Variants in ADAMTS3 observed in about 807,000 individuals in gnomAD.
The protein encoded by ADAMTS3 is ADAM metallopeptidase with thrombospondin type 1 motif 3, also known as A disintegrin and metalloproteinase with thrombospondin motifs 3.
In ADAMTS3, 73 loss-of-function variants were observed where a neutral mutation model predicts 129.0. That is an observed-to-expected ratio of 0.57 (90% CI 0.47 to 0.69). The LOEUF (loss-of-function observed/expected upper bound fraction) is 0.69. Ranked by LOEUF, ADAMTS3 falls within the 30% of genes least tolerant of loss-of-function variation. The probability of loss-of-function intolerance (pLI) is 0.00; values close to 1 mark genes in which losing one functional copy is unlikely to be tolerated. For synonymous variants in ADAMTS3, 477 were observed against 510.8 expected (o/e 0.93, Z 0.89); for missense variants, 1,457 against 1,514.5 (o/e 0.96, Z 0.63).
chr4:72,457,462 T>G (rs1718655442), intron 3 of ADAMTS3, among the ~76,000 whole-genome samples: 1 of 151,662 alleles, frequency 6.6e-6, no homozygotes, highest in Non-Finnish European at 1.5e-5. Context: ...CTAGTTACAT[T>G]TTTAGATGTT....
At chr4:72,339,450 T>A in intron 5 of ADAMTS3, 44 bp downstream of exon 5, 8 of 1,590,408 alleles carry the variant, frequency 5.0e-6, no homozygotes, top group Non-Finnish European at 6.9e-6. Flanking sequence ...ATAAGAGAAG[T>A]GAATTAAAAG....
intron 3 of ADAMTS3, among the ~76,000 whole-genome samples, chr4:72,505,103 G>A (rs1210199586): frequency 6.6e-6 from 1 of 152,160 alleles, no homozygotes; most frequent in African/African-American, 2.4e-5. Flanking sequence ...GAGAGTTAGT[G>A]AGACCCTTTG....
chr4:72,548,682 T>A lies in ADAMTS3; in HGVS notation c.300A>T (p.Gln100His). ...DFHLRLKPNT[Q>H]LVAPGAVVEW... is the part of the protein sequence containing the mutation. ...CCACAACAGCCCCAGGAGCTACTAG[T>A]TGAGTGTTGGGCTTTAGTCGCAGAT... Residue 100 changes from glutamine (Q) to histidine (H), a missense_variant, in exon 3 of 22, where the codon CAA becomes CAT. Gln to His is a conservative substitution (Grantham distance 24). Coordinates refer to ENST00000286657, the MANE Select transcript of ADAMTS3 (RefSeq NM_014243.3). The A allele has an allele frequency of 6.2e-7, 1 of 1,614,044 alleles. No homozygotes were observed. The highest frequency in any genetic ancestry group is 8.5e-7 in the Non-Finnish European group (1 of 1,179,934).
At chr4:72,439,030 C>T (rs753092705) in intron 3 of ADAMTS3, among the ~76,000 whole-genome samples, 11 of 151,576 alleles carry the variant, frequency 7.3e-5, no homozygotes, top group Admixed American at 2.6e-4. Flanking sequence ...TTGAAATCAA[C>T]GAAATCTTCT....
chr4:72,517,321 G>C (rs1422150294), intron 3 of ADAMTS3, among the ~76,000 whole-genome samples: 1 of 151,382 alleles, frequency 6.6e-6, no homozygotes, highest in Non-Finnish European at 1.5e-5. Flanking sequence ...TCTCTGCCAG[G>C]CTTTGGTATC....
intron 3 of ADAMTS3, among the ~76,000 whole-genome samples, chr4:72,528,298 C>T (rs1308225447): frequency 2.6e-5 from 4 of 151,322 alleles, no homozygotes; most frequent in African/African-American, 9.7e-5. Flanking sequence ...CACTATATAT[C>T]TACTATTAGG....
chr4:72,334,774 T>C (rs192804772), intron 5 of ADAMTS3, among the ~76,000 whole-genome samples: 1 of 152,322 alleles, frequency 6.6e-6, no homozygotes, highest in African/African-American at 2.4e-5. Flanking sequence ...TAACAAGATA[T>C]GATATGGAAT....
intron 3 of ADAMTS3, among the ~76,000 whole-genome samples, chr4:72,541,768 C>T (rs1721331983): frequency 6.6e-6 from 1 of 152,144 alleles, no homozygotes; most frequent in Non-Finnish European, 1.5e-5. Context: ...GCCTTTGTTC[C>T]TCCTTTGCCT....
chr4:72,453,865 C>T (rs949056603), intron 3 of ADAMTS3, among the ~76,000 whole-genome samples: 13 of 149,728 alleles, frequency 8.7e-5, no homozygotes, highest in Middle Eastern at 3.5e-3. Flanking sequence ...CTCCCCTCTG[C>T]AACATATTTA....
At chr4:72,287,905 AC>A (rs1201555729) in intron 21 of ADAMTS3, among the ~76,000 whole-genome samples, 1 of 152,158 alleles carries the variant, frequency 6.6e-6, no homozygotes, top group Admixed American at 6.6e-5. Flanking sequence ...TCACTCTGTC[AC>A]CCAGGCTGGA....
intron 2 of ADAMTS3, among the ~76,000 whole-genome samples, chr4:72,549,530 C>A (rs1056625046): frequency 6.6e-6 from 1 of 152,096 alleles, no homozygotes; most frequent in Non-Finnish European, 1.5e-5. Context: ...AGTTGTACTC[C>A]TAAGCCCATA....
At chr4:72,510,013 C>G (rs532443458) in intron 3 of ADAMTS3, among the ~76,000 whole-genome samples, 40 of 151,532 alleles carry the variant, frequency 2.6e-4, no homozygotes, top group African/African-American at 9.4e-4. Flanking sequence ...GAATAAAAAC[C>G]ATATGATCAT....
In ADAMTS3 at chr4:72,297,497, C is replaced by T. The variant is rs116130832; in HGVS notation, c.2590+780G>A. On this transcript the variant is annotated intron_variant, in intron 18 of 21. Transcript: ENST00000286657. Reference sequence around the variant, plus strand: ...TACAAATTTTGTTCTCAATTATTTGCTGTCATTTTTGTAACAGCCTCTTGC... The same window carrying T: ...TACAAATTTTGTTCTCAATTATTTGTTGTCATTTTTGTAACAGCCTCTTGC... Among the ~76,000 whole-genome samples, 470 of 152,228 alleles carry T rather than the reference C, an allele frequency of 3.1e-3. 1 individual carries two copies. Among genetic ancestry groups the T allele is most frequent in the African/African-American group, 0.011 (462 of 41,546 alleles).
chr4:72,386,386 A>C (rs567279168), intron 4 of ADAMTS3, among the ~76,000 whole-genome samples: 29 of 152,180 alleles, frequency 1.9e-4, no homozygotes, highest in African/African-American at 6.7e-4. Context: ...TACTGAAGTT[A>C]AATTGCCTAG....
At chr4:72,448,549 TTGATG>T (rs1374414138) in intron 3 of ADAMTS3, among the ~76,000 whole-genome samples, 19 of 151,720 alleles carry the variant, frequency 1.3e-4, no homozygotes, top group Non-Finnish European at 8.8e-5. Flanking sequence ...TGAGAGAAAC[TTGATG>T]TAAGTTTCCA....
intron 3 of ADAMTS3, among the ~76,000 whole-genome samples, chr4:72,439,181 C>T (rs1478556768): frequency 1.3e-5 from 2 of 151,622 alleles, no homozygotes; most frequent in Non-Finnish European, 3.0e-5. Context: ...CATTAAAATA[C>T]ATTTATTTTT....
At chr4:72,400,388 G>A (rs527784717) in intron 4 of ADAMTS3, among the ~76,000 whole-genome samples, 1 of 130,456 alleles carries the variant, frequency 7.7e-6, no homozygotes, top group African/African-American at 2.9e-5. Context: ...GTATATATAC[G>A]TGTGCATAGA....
At chr4:72,408,596 TA>T (rs1229290643) in intron 4 of ADAMTS3, among the ~76,000 whole-genome samples, 1 of 151,052 alleles carries the variant, frequency 6.6e-6, no homozygotes, top group Non-Finnish European at 1.5e-5. Flanking sequence ...GAGTTATAAA[TA>T]AAAATGATGA....
intron 2 of ADAMTS3, among the ~76,000 whole-genome samples, chr4:72,557,230 G>C (rs1416749358): frequency 1.3e-5 from 2 of 151,772 alleles, no homozygotes; most frequent in African/African-American, 2.4e-5. Flanking sequence ...AAGAGTAAGA[G>C]AATGACTTTC....
Sources: allele counts gnomAD v4.1 joint callset (sites outside exome capture counted in the v4.1 genomes callset), GRCh38; gene constraint gnomAD v4.1.1; transcripts MANE v1.5; gene names NCBI Gene and HGNC (gene_info 2026-07-23, HGNC 2026-07-21).